The following THSD7B variants were observed in gnomAD, a reference collection of about 807,000 sequenced individuals.
THSD7B encodes thrombospondin type 1 domain containing 7B, also known as thrombospondin type-1 domain-containing protein 7B.
THSD7B carries 138 observed loss-of-function variants against 213.6 expected under a neutral mutation model. The observed-to-expected ratio is 0.65, with a 90% CI of 0.56 to 0.74. The LOEUF (loss-of-function observed/expected upper bound fraction) is 0.74, where lower values mean the gene tolerates loss of function less well. THSD7B is among the 30% of genes least tolerant of loss of function. The pLI is 0.00. For missense variants in THSD7B, 1,931 were observed against 1,991.5 expected (o/e 0.97, Z 0.58); for synonymous variants, 742 against 687.0 (o/e 1.08, Z -1.25).
At chr2:137,035,705 C>T (rs1322498522) in intron 2 of THSD7B, among the ~76,000 whole-genome samples, 1 of 151,990 alleles carries the variant, frequency 6.6e-6, no homozygotes, top group Non-Finnish European at 1.5e-5. Flanking sequence ...CCAGTGCTTT[C>T]TGTGTTCTTA....
chr2:137,267,498 C>T (rs1001098566), intron 10 of THSD7B, among the ~76,000 whole-genome samples: 7 of 148,292 alleles, frequency 4.7e-5, no homozygotes, highest in Non-Finnish European at 7.5e-5. Flanking sequence ...TAGACTACCT[C>T]CCCCCCAAAT....
At chr2:137,166,043 C>T (rs748782928) in intron 6 of THSD7B, among the ~76,000 whole-genome samples, 8 of 152,062 alleles carry the variant, frequency 5.3e-5, no homozygotes, top group African/African-American at 7.2e-5. Flanking sequence ...CTTTACATGA[C>T]TTTTATTCTT....
chr2:136,846,763 T>C (rs764880426), intron 1 of THSD7B, among the ~76,000 whole-genome samples: 15 of 152,166 alleles, frequency 9.9e-5, no homozygotes, highest in Non-Finnish European at 1.9e-4. Context: ...ACTGAAGCAC[T>C]GTATGGGTTT....
intron 12 of THSD7B, among the ~76,000 whole-genome samples, chr2:137,374,585 G>T (rs1315675335): frequency 2.0e-5 from 3 of 152,170 alleles, no homozygotes; most frequent in Non-Finnish European, 4.4e-5. Context: ...AACCTAAATT[G>T]TAGAATGTTT....
rs1028155123 is a variant in THSD7B, at chr2:136,952,036, A to C, written c.139+69719A>C. Among the ~76,000 whole-genome samples the C allele has an allele frequency of 2.3e-4, 35 of 151,922 alleles. 1 individual carries two copies. Among genetic ancestry groups the C allele is most frequent in the Admixed American group, 1.9e-3 (29 of 15,256 alleles). ...AGGCACGCACCATCACGCCCAGCTAATTTTTGTATTTTTAGTGGAGATGGG... is the reference window on the plus strand; with the variant it reads ...AGGCACGCACCATCACGCCCAGCTACTTTTTGTATTTTTAGTGGAGATGGG... On this transcript the variant is annotated intron_variant, in intron 2 of 27. Transcript: ENST00000409968.
intron 7 of THSD7B, among the ~76,000 whole-genome samples, chr2:137,191,156 C>G (rs1680648915): frequency 6.6e-6 from 1 of 152,188 alleles, no homozygotes; most frequent in Non-Finnish European, 1.5e-5. Flanking sequence ...CACCACTCTT[C>G]CTGAGAATGG....
intron 2 of THSD7B, among the ~76,000 whole-genome samples, chr2:136,883,557 G>A (rs1049340940): frequency 3.3e-5 from 5 of 151,940 alleles, no homozygotes; most frequent in Admixed American, 1.3e-4. Context: ...CACAAAAGAT[G>A]AACATTTGAT....
rs115145266 is a variant in THSD7B at position 137,047,164 on chromosome 2, C to T, written c.140-9256C>T. ...TGGGAGGATACTCCTTTCATCCATG[C>T]GAGAGAAAGCAATGGTCTGCGCCAA... On this transcript the variant is annotated intron_variant, in intron 2 of 27. Coordinates refer to ENST00000409968, the MANE Select transcript of THSD7B (RefSeq NM_001316349.2). 4.5e-4 allele frequency among the ~76,000 whole-genome samples: 69 copies of T among 152,032 alleles called. 1 individual carries two copies. Among genetic ancestry groups the T allele is most frequent in the Non-Finnish European group, 4.6e-4 (31 of 68,002 alleles).
chr2:137,616,380 G>A lies in THSD7B; in HGVS notation c.3565+64G>A, dbSNP rs781508612. The A allele has an allele frequency of 3.8e-4, 560 of 1,475,808 alleles. 1 individual carries two copies. Among genetic ancestry groups the A allele is most frequent in the Non-Finnish European group, 4.8e-4 (509 of 1,069,974 alleles). The allele number at this position is 1,475,808 out of a possible 1,614,324, so 91.4% of individuals were successfully genotyped here. A position where few individuals can be genotyped will look rare whatever the true frequency, so the allele number is the denominator to read the frequency against. On this transcript the variant is annotated intron_variant, in intron 18 of 27. Coordinates refer to ENST00000409968, the MANE Select transcript of THSD7B (RefSeq NM_001316349.2). The stretch of plus-strand genomic sequence containing the variant: ...CATTGACTAATGAGAGAATTTTTGC[G>A]TGGGTTTTCATTCTCAAGATTAAGA...
At chr2:136,801,277 C>A (rs932829029) in intron 1 of THSD7B, among the ~76,000 whole-genome samples, 1 of 152,026 alleles carries the variant, frequency 6.6e-6, no homozygotes, top group Non-Finnish European at 1.5e-5. Context: ...ATGAGGAAAA[C>A]GGAGGACCAC....
intron 7 of THSD7B, among the ~76,000 whole-genome samples, chr2:137,192,999 T>G (rs1415980806): frequency 1.3e-5 from 2 of 152,134 alleles, no homozygotes. Context: ...TGTGTATGTG[T>G]GTGTGTTTGC....
At chr2:136,928,955 A>G (rs1684587499) in intron 2 of THSD7B, among the ~76,000 whole-genome samples, 1 of 152,184 alleles carries the variant, frequency 6.6e-6, no homozygotes, top group Admixed American at 6.5e-5. Context: ...ATATTACCAG[A>G]GTATTAGTTA....
At chr2:137,521,034 G>C (rs1337376703) in intron 15 of THSD7B, among the ~76,000 whole-genome samples, 1 of 152,122 alleles carries the variant, frequency 6.6e-6, no homozygotes, top group Non-Finnish European at 1.5e-5. Context: ...TTGGGGATTG[G>C]GTTAGAGCTG....
intron 4 of THSD7B, among the ~76,000 whole-genome samples, chr2:137,112,595 C>T (rs1361620441): frequency 6.6e-6 from 1 of 152,178 alleles, no homozygotes; most frequent in Non-Finnish European, 1.5e-5. Flanking sequence ...GCAATTTATA[C>T]AGAATGCCCC....
At chr2:137,229,823 A>G (rs759038175) in intron 7 of THSD7B, among the ~76,000 whole-genome samples, 47 of 152,086 alleles carry the variant, frequency 3.1e-4, no homozygotes, top group Non-Finnish European at 6.3e-4. Flanking sequence ...TCTTGTGAGG[A>G]CTCAATAACA....
At position 137,598,551 on chromosome 2, in the gene THSD7B, T is replaced by C. The variant is rs188295920; in HGVS notation, c.3424-17624T>C. 9.6e-4 allele frequency among the ~76,000 whole-genome samples: 147 copies of C among 152,342 alleles called. 2 individuals are homozygous for C. The highest frequency in any genetic ancestry group is 2.8e-3 in the African/African-American group (117 of 41,578). ...CAAACAAGCATTTATTAGACAGTTA[T>C]AACTGCTCAAAACTCACTAGAGATG... is the stretch of plus-strand genomic sequence containing the variant. On this transcript the variant is annotated intron_variant, in intron 17 of 27. Transcript: ENST00000409968.
At chr2:137,592,004 G>A (rs1681874903) in intron 17 of THSD7B, among the ~76,000 whole-genome samples, 1 of 151,222 alleles carries the variant, frequency 6.6e-6, no homozygotes, top group African/African-American at 2.4e-5. Flanking sequence ...CTTTTCATAG[G>A]AGTATTTAAA....
intron 7 of THSD7B, among the ~76,000 whole-genome samples, chr2:137,190,322 A>AT (rs910802951): frequency 3.3e-5 from 5 of 152,022 alleles, no homozygotes; most frequent in African/African-American, 1.2e-4. Context: ...GTTCATATCA[A>AT]TTTTTTTTCT....
chr2:137,226,576 C>T (rs936763142), intron 7 of THSD7B, among the ~76,000 whole-genome samples: 11 of 151,654 alleles, frequency 7.3e-5, no homozygotes, highest in African/African-American at 2.7e-4. Context: ...GAATCTTTGT[C>T]GTGTCCAAGT....
Sources: gnomAD v4.1 joint callset for allele counts (sites outside exome capture counted in the v4.1 genomes callset) on GRCh38, gnomAD v4.1.1 for gene constraint, MANE v1.5 for transcripts, NCBI Gene and HGNC (gene_info 2026-07-23, HGNC 2026-07-21) for gene names.